The following BICC1 variants were observed in gnomAD, a reference collection of about 807,000 sequenced individuals.
BICC1 encodes protein bicaudal C homolog 1.
In BICC1, 43 loss-of-function variants were observed where a neutral mutation model predicts 111.0. The ratio of observed to expected loss-of-function variants is 0.39; its 90% CI spans 0.30 to 0.50. The LOEUF (loss-of-function observed/expected upper bound fraction) is 0.50. Ranked by LOEUF, BICC1 falls within the 20% of genes least tolerant of loss-of-function variation. The pLI is 0.88. For synonymous variants in BICC1, 467 were observed against 434.4 expected (o/e 1.07, Z -0.93); for missense variants, 1,091 against 1,203.2 (o/e 0.91, Z 1.38).
At chr10:58,613,187 C>G (rs757848774) in intron 1 of BICC1, among the ~76,000 whole-genome samples, 17 of 152,124 alleles carry the variant, frequency 1.1e-4, no homozygotes, top group Non-Finnish European at 1.6e-4. Context: ...AATTTATTCC[C>G]GGAGTTGTGT....
chr10:58,763,995 T>C (rs1350464457), intron 3 of BICC1, among the ~76,000 whole-genome samples: 1 of 152,094 alleles, frequency 6.6e-6, no homozygotes, highest in Non-Finnish European at 1.5e-5. Flanking sequence ...CTCACAGGCA[T>C]GGAATTGCTA....
intron 17 of BICC1, among the ~76,000 whole-genome samples, chr10:58,812,025 T>TA (rs1224119349): frequency 6.6e-6 from 1 of 152,124 alleles, no homozygotes; most frequent in Non-Finnish European, 1.5e-5. Flanking sequence ...ACAGTGGAAA[T>TA]ACATCACAGG....
chr10:58,793,415 T>A, intron 8 of BICC1, 69 bp from the exon 9 acceptor site: 1 of 1,376,854 alleles, frequency 7.3e-7, no homozygotes, highest in Non-Finnish European at 1.0e-6. Context: ...TTTGCAGGCA[T>A]GTTAAATTAT....
chr10:58,626,639 C>G (rs926659481), intron 2 of BICC1, among the ~76,000 whole-genome samples: 3 of 152,128 alleles, frequency 2.0e-5, no homozygotes, highest in East Asian at 3.9e-4. Context: ...GGTTTTGAGT[C>G]TATATTCTCT....
chr10:58,776,764 C>T (rs1011712032), intron 3 of BICC1, among the ~76,000 whole-genome samples: 2 of 152,180 alleles, frequency 1.3e-5, no homozygotes, highest in African/African-American at 4.8e-5. Flanking sequence ...CTGTTATATA[C>T]AAACCATTCT....
chr10:58,512,783 C>T (rs1388716840), upstream of BICC1, among the ~76,000 whole-genome samples: 2 of 150,990 alleles, frequency 1.3e-5, no homozygotes, highest in Non-Finnish European at 3.0e-5. Context: ...GTGGGCTGGC[C>T]GGGCCAATGA....
At chr10:58,734,031 CAT>C (rs1841396741) in intron 3 of BICC1, among the ~76,000 whole-genome samples, 1 of 152,350 alleles carries the variant, frequency 6.6e-6, no homozygotes, top group African/African-American at 2.4e-5. Context: ...GGTAGTGTAA[CAT>C]ACACTTCCAT....
chr10:58,612,095 C>G (rs754196864), intron 1 of BICC1, among the ~76,000 whole-genome samples: 39 of 152,146 alleles, frequency 2.6e-4, no homozygotes, highest in Non-Finnish European at 4.1e-4. Context: ...ATACAGCATT[C>G]AGATGATACT....
At chr10:58,647,897 G>A (rs918119762) in intron 2 of BICC1, among the ~76,000 whole-genome samples, 3 of 152,158 alleles carry the variant, frequency 2.0e-5, no homozygotes, top group Admixed American at 6.5e-5. Context: ...TACAGAGAAA[G>A]TTGATAAGCA....
intron 9 of BICC1, 89 bp from the exon 10 acceptor site, chr10:58,796,251 G>A (rs1317601772): frequency 3.7e-6 from 4 of 1,076,842 alleles, no homozygotes; most frequent in Non-Finnish European, 5.5e-6. Context: ...ATTCTTATTA[G>A]CGTATTCATT....
At chr10:58,518,003 C>T (rs953641849) in intron 1 of BICC1, among the ~76,000 whole-genome samples, 1 of 152,070 alleles carries the variant, frequency 6.6e-6, no homozygotes, top group Non-Finnish European at 1.5e-5. Context: ...TTATTATTGG[C>T]CTCCCTGGTA....
intron 1 of BICC1, among the ~76,000 whole-genome samples, chr10:58,611,822 G>C (rs1845434186): frequency 6.6e-6 from 1 of 152,016 alleles, no homozygotes; most frequent in South Asian, 2.1e-4. Context: ...AAAAAACCAA[G>C]TTAAGATTGC....
intron 3 of BICC1, among the ~76,000 whole-genome samples, chr10:58,754,610 C>A (rs965359857): frequency 1.3e-5 from 2 of 152,186 alleles, no homozygotes; most frequent in Non-Finnish European, 2.9e-5. Flanking sequence ...ATGCCTCACA[C>A]GGCAGGGAGC....
chr10:58,785,339 G>A (rs74423803), intron 4 of BICC1, among the ~76,000 whole-genome samples: 39 of 151,962 alleles, frequency 2.6e-4, no homozygotes, highest in Non-Finnish European at 3.8e-4. Flanking sequence ...TATATGTATC[G>A]TGTATGTATG....
chr10:58,573,584 G>T (rs1844024714), intron 1 of BICC1, among the ~76,000 whole-genome samples: 1 of 152,232 alleles, frequency 6.6e-6, no homozygotes, highest in Admixed American at 6.5e-5. Flanking sequence ...TCTCTTCAAA[G>T]ACTTTATTAG....
Position 58,799,223 on chromosome 10 carries a change from A to G in BICC1, c.1696A>G (p.Ile566Val), listed in dbSNP as rs376079369. 14 of 1,610,460 alleles carry G rather than the reference A, an allele frequency of 8.7e-6. No homozygotes were observed. In the African/African-American group the frequency reaches 1.5e-4, roughly 17 times the overall value. ...INSMQTEGKK[I>V]SAALNGHAQS... The stretch of plus-strand genomic sequence containing the variant: ...CAGTATGCAGACCGAAGGCAAAAAA[A>G]TCTCTGCTGCTTTAAATGGACATGC... The change falls in exon 12 of 21, where the codon ATC becomes GTC. Residue 566 changes from isoleucine to valine, a missense_variant. By Grantham distance (29) the Ile-to-Val change is conservative. This residue lies in a region of BICC1 where 843 missense variants were observed against 900.8 expected (regional missense o/e 0.94). Coordinates refer to ENST00000373886, the MANE Select transcript of BICC1 (RefSeq NM_001080512.3).
chr10:58,616,287 C>T (rs973429379), intron 1 of BICC1, among the ~76,000 whole-genome samples: 1 of 152,176 alleles, frequency 6.6e-6, no homozygotes, highest in Non-Finnish European at 1.5e-5. Context: ...AACAGGGGGC[C>T]CCAACAAGTG....
At chr10:58,626,573 CATT>C (rs2132158619) in intron 2 of BICC1, among the ~76,000 whole-genome samples, 1 of 152,224 alleles carries the variant, frequency 6.6e-6, no homozygotes, top group South Asian at 2.1e-4. Context: ...ATTTGCTCAT[CATT>C]CTCCTAGTCT....
At chr10:58,626,027 A>G (rs1490071828) in intron 2 of BICC1, among the ~76,000 whole-genome samples, 1 of 152,260 alleles carries the variant, frequency 6.6e-6, no homozygotes, top group East Asian at 1.9e-4. Flanking sequence ...ATCAAATTTA[A>G]TTTAAATAAG....
Sources: allele counts gnomAD v4.1 joint callset (sites outside exome capture counted in the v4.1 genomes callset), GRCh38; gene constraint gnomAD v4.1.1; regional missense constraint gnomAD v4.1.1; transcripts MANE v1.5; gene names NCBI Gene and HGNC (gene_info 2026-07-23, HGNC 2026-07-21).